Variants in TRIO observed in about 807,000 individuals in gnomAD.
TRIO encodes triple functional domain protein.
TRIO carries 58 observed loss-of-function variants against 351.9 expected under a neutral mutation model. The observed-to-expected ratio is 0.16, with a 90% CI of 0.13 to 0.21. TRIO has a LOEUF of 0.21. TRIO is among the 10% of genes least tolerant of loss of function. TRIO has a pLI of 1.00. For synonymous variants in TRIO, 1,758 were observed against 1,595.7 expected (o/e 1.10, Z -2.42); for missense variants, 3,201 against 4,027.8 (o/e 0.79, Z 5.56).
chr5:14,173,988 G>A (rs530715717), intron 1 of TRIO, among the ~76,000 whole-genome samples: 2 of 152,326 alleles, frequency 1.3e-5, no homozygotes, highest in Admixed American at 1.3e-4. Flanking sequence ...GCGGCTGCAA[G>A]TCCATTTATG....
intron 1 of TRIO, among the ~76,000 whole-genome samples, chr5:14,207,728 A>AGAGT (rs1287580955): frequency 6.6e-6 from 1 of 152,172 alleles, no homozygotes; most frequent in African/African-American, 2.4e-5. Context: ...AGAGAGAGAG[A>AGAGT]GAGTGAAAAT....
At chr5:14,158,506 A>G (rs189523967) in intron 1 of TRIO, among the ~76,000 whole-genome samples, 9 of 152,182 alleles carry the variant, frequency 5.9e-5, no homozygotes, top group Admixed American at 3.9e-4. Context: ...TTCTGAGGAA[A>G]GTTTTTGAGC....
rs1026091842 is a variant in TRIO, at chr5:14,471,432, G to A, written c.5878G>A (p.Glu1960Lys). 5.0e-6 allele frequency: 8 copies of A among 1,614,000 alleles called. No individual in the cohort carries two copies. The highest frequency in any genetic ancestry group is 5.1e-6 in the Non-Finnish European group (6 of 1,180,004). Reference sequence around the variant, plus strand: ...TTCCTCCTCGCCCATTGATGAGATGGAAGAAAGGAAATCCAGCTCTTTAAA... The same window carrying A: ...TTCCTCCTCGCCCATTGATGAGATGAAAGAAAGGAAATCCAGCTCTTTAAA... ...LSSSSPIDEM[E>K]ERKSSSLKRR... is the part of the protein sequence containing the mutation. Residue 1960 changes from glutamate to lysine, a missense_variant, in exon 38 of 57, where the codon GAA (glutamate) becomes AAA (lysine). Physicochemically the swap from Glu to Lys is moderately conservative, Grantham distance 56. Transcript: ENST00000344204.
At chr5:14,444,062 CTT>C (rs888141511) in intron 34 of TRIO, among the ~76,000 whole-genome samples, 1 of 146,172 alleles carries the variant, frequency 6.8e-6, no homozygotes, top group Non-Finnish European at 1.5e-5. Flanking sequence ...CTTTATAATT[CTT>C]GAATTCTCTT....
At position 14,487,854 on chromosome 5, in the gene TRIO, T is replaced by A; in HGVS notation, c.7226T>A (p.Ile2409Asn). Residue 2409 changes from isoleucine to asparagine, a missense_variant, in exon 48 of 57, where the codon ATC (isoleucine) becomes AAC (asparagine). Transcript: ENST00000344204. ...GGGTCCGAGCGAGAAGCGGAGCCGA[T>A]CCCCAAGATGAAGGTGCTGGAGAGC... Reference protein sequence around the residue: ...AEGSEREAEPIPKMKVLESPR... With the variant: ...AEGSEREAEPNPKMKVLESPR... 1 of 1,529,036 alleles carries A rather than the reference T, an allele frequency of 6.5e-7. No individual in the cohort carries two copies. Among genetic ancestry groups the A allele is most frequent in the Non-Finnish European group, 8.8e-7 (1 of 1,137,966 alleles). The allele number at this position is 1,529,036 out of a possible 1,614,324, so 94.7% of individuals were successfully genotyped here.
chr5:14,487,812 C>T lies in TRIO; in HGVS notation c.7184C>T (p.Pro2395Leu), dbSNP rs1756075687. 1 of 1,456,748 alleles carries T rather than the reference C, an allele frequency of 6.9e-7. No homozygotes were observed. The highest frequency in any genetic ancestry group is 9.1e-7 in the Non-Finnish European group (1 of 1,103,510). The allele number at this position is 1,456,748 out of a possible 1,614,324, so 90.2% of individuals were successfully genotyped here. A position where few individuals can be genotyped will look rare whatever the true frequency, so the allele number is the denominator to read the frequency against. The change falls in exon 48 of 57, where the codon CCC (proline) becomes CTC (leucine). Residue 2395 changes from proline (P) to leucine (L), a missense_variant. Physicochemically the swap from Pro to Leu is moderately conservative, Grantham distance 98. Coordinates refer to ENST00000344204, the MANE Select transcript of TRIO (RefSeq NM_007118.4). ...AGPSAPSRRP[P>L]GADAEGSERE... ...CCCAGCGCGCCCAGCAGGCGGCCCC[C>T]CGGCGCGGACGCCGAGGGGTCCGAG... is the stretch of plus-strand genomic sequence containing the variant.
intron 1 of TRIO, among the ~76,000 whole-genome samples, chr5:14,249,356 T>G (rs556449566): frequency 3.5e-4 from 53 of 152,296 alleles, no homozygotes; most frequent in Non-Finnish European, 6.5e-4. Context: ...TTACTACCCA[T>G]CACTCCAGGC....
chr5:14,369,508 G>A lies in TRIO; in HGVS notation c.3201G>A (p.Lys1067=), dbSNP rs376764382. The A allele has an allele frequency of 1.5e-5, 24 of 1,613,814 alleles. No individual in the cohort carries two copies. The African/African-American group carries it at 2.9e-4, about 20-fold the overall frequency. Reference sequence around the variant, plus strand: ...TGATCAGCAAGCACCTGGAGCAGAAGGAGGCATTCCTGAAGGTAGGGGCAG... The same window carrying A: ...TGATCAGCAAGCACCTGGAGCAGAAAGAGGCATTCCTGAAGGTAGGGGCAG... ...TPMISKHLEQ[K]EAFLKACTLA... The change falls in exon 18 of 57, where the codon AAG becomes AAA. Residue 1067 remains lysine (K), a synonymous_variant. Transcript: ENST00000344204.
intron 1 of TRIO, among the ~76,000 whole-genome samples, chr5:14,230,185 A>C (rs144556007): frequency 2.7e-3 from 416 of 152,350 alleles, no homozygotes; most frequent in Admixed American, 8.2e-3. Context: ...TTCCAAACTG[A>C]AGTAGAGATT....
chr5:14,489,046 C>T (rs746302531), intron 48 of TRIO: 9 of 765,060 alleles, frequency 1.2e-5, no homozygotes, highest in Admixed American at 3.4e-5. Context: ...TGGCCTGGCC[C>T]GTAACACTTT....
At chr5:14,503,655 G>A (rs3789158) in intron 54 of TRIO, among the ~76,000 whole-genome samples, 43,373 of 152,094 alleles carry the variant, frequency 0.29, 6,414 homozygotes, top group Middle Eastern at 0.41. Flanking sequence ...AACGACCAAC[G>A]TCCTCCACAT....
At chr5:14,244,700 C>T (rs1045171673) in intron 1 of TRIO, among the ~76,000 whole-genome samples, 2 of 152,204 alleles carry the variant, frequency 1.3e-5, no homozygotes, top group South Asian at 2.1e-4. Flanking sequence ...GACTCCTCAC[C>T]GTAGCCCACA....
chr5:14,498,016 G>A, intron 51 of TRIO, 73 bp from the exon 52 acceptor site: 1 of 1,611,670 alleles, frequency 6.2e-7, no homozygotes, highest in Non-Finnish European at 8.5e-7. Flanking sequence ...CTATCAATCT[G>A]TCGGGGACAT....
intron 11 of TRIO, among the ~76,000 whole-genome samples, chr5:14,341,740 G>A (rs565682320): frequency 6.0e-4 from 92 of 152,282 alleles, no homozygotes; most frequent in African/African-American, 2.2e-3. Flanking sequence ...GTGACATTGA[G>A]CTCTCAGCCA....
chr5:14,215,978 T>G (rs888342868), intron 1 of TRIO, among the ~76,000 whole-genome samples: 1 of 152,220 alleles, frequency 6.6e-6, no homozygotes, highest in Non-Finnish European at 1.5e-5. Context: ...CGTTTGATCT[T>G]AGCCATGCTG....
intron 7 of TRIO, among the ~76,000 whole-genome samples, chr5:14,298,934 A>G (rs1165284942): frequency 6.6e-6 from 1 of 152,244 alleles, no homozygotes; most frequent in Non-Finnish European, 1.5e-5. Context: ...ATCGTTGTAC[A>G]AAGTAGCAAT....
intron 54 of TRIO, 95 bp downstream of exon 54, chr5:14,502,752 C>A (rs1757387243): frequency 1.7e-6 from 2 of 1,195,392 alleles, no homozygotes; most frequent in Admixed American, 3.6e-5. Flanking sequence ...TGTTATCTTG[C>A]CAGCAATTGG....
Position 14,171,007 on chromosome 5 carries a change from C to T in TRIO, c.157+27125C>T, listed in dbSNP as rs374895730. Reference sequence around the variant, plus strand: ...GTAATGAAAAATTACTGAAACTTGACTCTGTTTTAGCATTCCAAATCTTAA... The same window carrying T: ...GTAATGAAAAATTACTGAAACTTGATTCTGTTTTAGCATTCCAAATCTTAA... On this transcript the variant is annotated intron_variant, in intron 1 of 56. Transcript: ENST00000344204. Among the ~76,000 whole-genome samples the T allele has an allele frequency of 9.2e-5, 14 of 152,174 alleles. No homozygotes were observed. In the East Asian group the frequency reaches 2.3e-3, roughly 25 times the overall value.
intron 8 of TRIO, among the ~76,000 whole-genome samples, chr5:14,311,425 A>G (rs1045279000): frequency 1.3e-5 from 2 of 152,248 alleles, no homozygotes; most frequent in African/African-American, 4.8e-5. Context: ...AGAAGGAACC[A>G]GCTTTCTCTG....
Sources: gnomAD v4.1 joint callset for allele counts (sites outside exome capture counted in the v4.1 genomes callset) on GRCh38, gnomAD v4.1.1 for gene constraint, MANE v1.5 for transcripts, NCBI Gene and HGNC (gene_info 2026-07-23, HGNC 2026-07-21) for gene names.